USP6: variants seen among roughly 807,000 people sequenced by gnomAD.
The protein encoded by USP6 is ubiquitin carboxyl-terminal hydrolase 6.
USP6 carries 128 observed loss-of-function variants against 175.7 expected under a neutral mutation model. That is an observed-to-expected ratio of 0.73 (90% confidence interval 0.63 to 0.84). The LOEUF is 0.84. Among genes scored for constraint, USP6 ranks in the 40% least tolerant of loss-of-function variants. The pLI, the probability that USP6 is intolerant of heterozygous loss-of-function variation, is 0.00. For missense variants in USP6, 1,498 were observed against 1,760.3 expected (o/e 0.85, Z 2.67); for synonymous variants, 562 against 630.6 (o/e 0.89, Z 1.63).
At chr17:5,135,149 A>G (rs2073209722) in intron 15 of USP6, 85 bp from the exon 16 acceptor site, 1 of 1,465,652 alleles carries the variant, frequency 6.8e-7, no homozygotes, top group Admixed American at 1.7e-5. Context: ...TGAACCTGAA[A>G]TGGGATTTGT....
intron 31 of USP6, among the ~76,000 whole-genome samples, chr17:5,158,810 GT>G (rs1204449648): frequency 1.3e-5 from 2 of 152,158 alleles, no homozygotes; most frequent in Non-Finnish European, 2.9e-5. Context: ...ATGGTCTTTG[GT>G]GATCTTTGTG....
chr17:5,139,383 G>C lies in USP6; in HGVS notation c.1207G>C (p.Ala403Pro). The change falls in exon 22 of 38, where the codon GCT (alanine) becomes CCT (proline). Residue 403 changes from alanine to proline, a missense_variant. By Grantham distance (27) the Ala-to-Pro change is conservative. Around this residue, in one of 2 missense-constraint regions of USP6, gnomAD observed 1,217 missense variants for 1,500.8 expected, o/e 0.81. Transcript: ENST00000574788. ...PAQFQRPICSASPPWASRFST... is the reference protein window; with the variant it reads ...PAQFQRPICSPSPPWASRFST... ...CCAGTTCCAGCGGCCCATTTGCTCA[G>C]CTTCCCCGCCATGGGCATCTCGTTT... is the stretch of plus-strand genomic sequence containing the variant. The C allele has an allele frequency of 6.2e-7, 1 of 1,613,362 alleles. No homozygotes were observed.
At position 5,139,468 on chromosome 17, in the gene USP6, G is replaced by A. The variant is rs142493590; in HGVS notation, c.1292G>A (p.Gly431Asp). The change falls in exon 22 of 38, where the codon GGT becomes GAT. Residue 431 changes from glycine (G) to aspartate (D), a missense_variant. Transcript: ENST00000574788. The part of the protein sequence containing the change: ...REDTYPVGTQ[G>D]VPSLALAQGG... Reference sequence around the variant, plus strand: ...GACACGTACCCTGTGGGCACTCAGGGTGTGCCCAGCCTGGCCCTGGCTCAG... The same window carrying A: ...GACACGTACCCTGTGGGCACTCAGGATGTGCCCAGCCTGGCCCTGGCTCAG... The A allele has an allele frequency of 4.9e-4, 785 of 1,613,314 alleles. 2 individuals are homozygous for A. In the Middle Eastern group the frequency reaches 7.6e-3, roughly 16 times the overall value.
At position 5,137,169 on chromosome 17, in the gene USP6, C is replaced by T. The variant is rs144301261; in HGVS notation, c.808C>T (p.Arg270Trp). Residue 270 changes from arginine to tryptophan, a missense_variant, in exon 19 of 38, where the codon CGG becomes TGG. This residue lies in a region of USP6 where 1,217 missense variants were observed against 1,500.8 expected (regional missense o/e 0.81). Transcript: ENST00000574788. ...GTGTGCCTCGTTAGGCTGCCTTCTCCGGAACCTGATTGACGGGGTAAGGAG... is the reference window on the plus strand; with the variant it reads ...GTGTGCCTCGTTAGGCTGCCTTCTCTGGAACCTGATTGACGGGGTAAGGAG... ...GQCASLGCLL[R>W]NLIDGISLGL... 701 of 1,613,316 alleles carry T rather than the reference C, an allele frequency of 4.3e-4. No individual in the cohort carries two copies. Among genetic ancestry groups the T allele is most frequent in the Non-Finnish European group, 5.4e-4 (637 of 1,179,562 alleles).
chr17:5,128,362 T>G (rs574084120), intron 7 of USP6: 54 of 152,250 alleles, frequency 3.5e-4, no homozygotes, highest in African/African-American at 1.3e-3. Context: ...AGTGATACCA[T>G]TAGAGACACT....
Position 5,132,500 on chromosome 17 carries a change from G to T in USP6, c.195+65G>T. 1.2e-6 allele frequency: 2 copies of T among 1,611,646 alleles called. No individual in the cohort carries two copies. The highest frequency in any genetic ancestry group is 8.5e-7 in the Non-Finnish European group (1 of 1,179,568). On this transcript the variant is annotated intron_variant, in intron 12 of 37. Transcript: ENST00000574788. The surrounding 1 kb of genome is among the most constrained non-coding windows in gnomAD (Gnocchi z 4.7). The stretch of plus-strand genomic sequence containing the variant: ...AGGGACTGGGCGGGTGGTCAGTGAG[G>T]CAGAGGAAGCAGCTGGCCTGGGCGG...
rs372272697 is a variant in USP6 at position 5,118,572 on chromosome 17, C to T, written c.-1837+282C>T. The stretch of plus-strand genomic sequence containing the variant: ...GCTCAGCTGGCCCCTAGCCCCATTG[C>T]GTGGGGTGGCTACCTGCCACTGGTG... On this transcript the variant is annotated intron_variant, in intron 2 of 37. Coordinates refer to ENST00000574788, the MANE Select transcript of USP6 (RefSeq NM_001304284.2). 9.3e-4 allele frequency among the ~76,000 whole-genome samples: 141 copies of T among 152,292 alleles called. 5 individuals are homozygous for T. In the South Asian group the frequency reaches 0.027, roughly 29 times the overall value.
In USP6 at chr17:5,138,103, T is replaced by C; in HGVS notation, c.926-18T>C. 1.2e-6 allele frequency: 2 copies of C among 1,614,026 alleles called. No individual in the cohort carries two copies. The highest frequency in any genetic ancestry group is 1.7e-6 in the Non-Finnish European group (2 of 1,179,950). On this transcript the variant is annotated intron_variant, in intron 20 of 37. Transcript: ENST00000574788. ...TTCCCAGGGAACTCTCCTGGCCTGATATCCACCCTGTCCCTAGAGCGCCTC... is the reference window on the plus strand; with the variant it reads ...TTCCCAGGGAACTCTCCTGGCCTGACATCCACCCTGTCCCTAGAGCGCCTC...
chr17:5,138,381 T>C, intron 21 of USP6, 108 bp downstream of exon 21: 1 of 1,564,826 alleles, frequency 6.4e-7, no homozygotes, highest in Non-Finnish European at 8.7e-7. Context: ...TCTTCACCTT[T>C]TCTTCCTCCT....
chr17:5,135,403 G>A (rs2073221328), intron 16 of USP6, 121 bp downstream of exon 16: 1 of 1,341,096 alleles, frequency 7.5e-7, no homozygotes, highest in Non-Finnish European at 1.1e-6. Context: ...GGATATAGGA[G>A]GTAGGATTCT....
In USP6 at chr17:5,124,694, A is replaced by T. The variant is rs899032412; in HGVS notation, c.-1170A>T. ...TGGACTGACACTCATGACCTCCAGT[A>T]CTGTGAGACAGTAACATTCTGTTGT... is the stretch of plus-strand genomic sequence containing the variant. On this transcript the variant is annotated 5_prime_UTR_variant, in exon 5 of 38. Coordinates refer to ENST00000574788, the MANE Select transcript of USP6 (RefSeq NM_001304284.2). 1 of 152,264 alleles carries T rather than the reference A, an allele frequency of 6.6e-6. No homozygotes were observed. Among genetic ancestry groups the T allele is most frequent in the African/African-American group, 2.4e-5 (1 of 41,426 alleles). 9.4% of individuals were successfully genotyped at this position (152,264 alleles called of 1,614,324 possible).
chr17:5,147,907 G>A (rs1296010942), intron 29 of USP6, among the ~76,000 whole-genome samples: 1 of 151,998 alleles, frequency 6.6e-6, no homozygotes, highest in African/African-American at 2.4e-5. Context: ...TGGAGAAAGG[G>A]TCTCACTCTG....
At chr17:5,133,650 G>GGGGGGGGGGA in intron 14 of USP6, 100 bp downstream of exon 14, 3 of 556,558 alleles carry the variant, frequency 5.4e-6, no homozygotes, top group Non-Finnish European at 1.0e-5. Flanking sequence ...GGGGGGGTGG[G>GGGGGGGGGGA]AGGGGATGGT....
intron 31 of USP6, 142 bp downstream of exon 31, chr17:5,155,748 G>A (rs1459355514): frequency 1.5e-5 from 10 of 674,040 alleles, no homozygotes; most frequent in Non-Finnish European, 2.1e-5. Flanking sequence ...ATTATTTAAA[G>A]TATTTATTTT....
At chr17:5,119,046 G>A (rs1181428288) in intron 2 of USP6, among the ~76,000 whole-genome samples, 1 of 152,140 alleles carries the variant, frequency 6.6e-6, no homozygotes. Context: ...TTTCACTGGG[G>A]GCCTGCCACA....
chr17:5,147,122 A>C lies in USP6; in HGVS notation c.2359A>C (p.Ser787Arg). The change falls in exon 29 of 38, where the codon AGC (serine) becomes CGC (arginine). Residue 787 changes from serine (S) to arginine (R), a missense_variant. Around this residue, in one of 2 missense-constraint regions of USP6, gnomAD observed 1,217 missense variants for 1,500.8 expected, o/e 0.81. Transcript: ENST00000574788. ...TAACCAAAAAGTACAACTCTCAGTG[A>C]GCGGATTTTTGTGTGCATTTGAAAT... ...QDNQKVQLSV[S>R]GFLCAFEIPV... The C allele has an allele frequency of 6.2e-7, 1 of 1,613,808 alleles. No individual in the cohort carries two copies. The highest frequency in any genetic ancestry group is 8.5e-7 in the Non-Finnish European group (1 of 1,179,858).
At chr17:5,120,948 CAG>C (rs1338092351) in intron 3 of USP6, among the ~76,000 whole-genome samples, 160 bp downstream of exon 3, 1 of 152,134 alleles carries the variant, frequency 6.6e-6, no homozygotes, top group East Asian at 1.9e-4. Flanking sequence ...ATGTGAGGCT[CAG>C]AGAGGACTCA....
intron 18 of USP6, 85 bp from the exon 19 acceptor site, chr17:5,137,036 A>G (rs762954090): frequency 6.3e-6 from 9 of 1,423,508 alleles, no homozygotes; most frequent in Non-Finnish European, 7.9e-6. Flanking sequence ...GTTCTGCACT[A>G]GGGGAAAGGT....
At chr17:5,143,114 C>T (rs1407365069) in intron 25 of USP6, among the ~76,000 whole-genome samples, 1 of 152,208 alleles carries the variant, frequency 6.6e-6, no homozygotes, top group Non-Finnish European at 1.5e-5. Flanking sequence ...GCCAGCCGCC[C>T]CGGCCTGGAG....
Sources: gnomAD v4.1 joint callset for allele counts (sites outside exome capture counted in the v4.1 genomes callset) on GRCh38, gnomAD v4.1.1 for gene constraint, gnomAD v4.1.1 regional missense constraint, Gnocchi (gnomAD v3.1) non-coding constraint, MANE v1.5 for transcripts, NCBI Gene and HGNC (gene_info 2026-07-23, HGNC 2026-07-21) for gene names.